Variants in NUP210 observed in about 807,000 individuals in gnomAD.
The protein encoded by NUP210 is nucleoporin 210, also known as nuclear pore membrane glycoprotein 210.
NUP210 carries 151 observed loss-of-function variants against 196.0 expected under a neutral mutation model. The observed-to-expected ratio is 0.77, with a 90% CI of 0.67 to 0.88. The LOEUF is 0.88. Among genes scored for constraint, NUP210 ranks in the 40% least tolerant of loss-of-function variants. The pLI is 0.00. For missense variants in NUP210, 2,314 were observed against 2,493.7 expected, an observed-to-expected ratio of 0.93 and a Z score of 1.53; for synonymous variants, 1,070 against 1,052.7, an observed-to-expected ratio of 1.02 and a Z score of -0.32.
intron 6 of NUP210, among the ~76,000 whole-genome samples, chr3:13,385,986 A>T (rs191862033): frequency 6.6e-6 from 1 of 152,374 alleles, no homozygotes; most frequent in East Asian, 1.9e-4. Context: ...TACATGAGGT[A>T]ACCAGAGTAG....
In NUP210 at chr3:13,373,623, G is replaced by A. The variant is rs1698801840; in HGVS notation, c.1587+95C>T. ...TCCTAAGTACAGGACCCAAGGTTGG[G>A]GGTGTTTCTGAGTGAAGTCGAGGCT... On this transcript the variant is annotated intron_variant, in intron 12 of 39. Coordinates refer to ENST00000254508, the MANE Select transcript of NUP210 (RefSeq NM_024923.4). 2.3e-6 allele frequency: 3 copies of A among 1,295,762 alleles called. No individual in the cohort carries two copies. In the East Asian group the frequency reaches 7.0e-5, roughly 30 times the overall value. 80.3% of individuals were successfully genotyped at this position (1,295,762 alleles called of 1,614,324 possible).
At chr3:13,349,815 G>C (rs1697904576) in intron 20 of NUP210, among the ~76,000 whole-genome samples, 1 of 152,248 alleles carries the variant, frequency 6.6e-6, no homozygotes, top group Admixed American at 6.5e-5. Flanking sequence ...AGGTGACGGA[G>C]AGCCTGGGAG....
In NUP210 at chr3:13,323,477, C is replaced by G; in HGVS notation, c.4645-45G>C. On this transcript the variant is annotated intron_variant, in intron 33 of 39. Coordinates refer to ENST00000254508, the MANE Select transcript of NUP210 (RefSeq NM_024923.4). The surrounding 1 kb of genome is among the most constrained non-coding windows in gnomAD (Gnocchi z 4.3). ...AGCTTCATGGAGCGCCGCCTGTGTCCCGGTCCATGCTGGGCGTTTCCACAA... is the reference window on the plus strand; with the variant it reads ...AGCTTCATGGAGCGCCGCCTGTGTCGCGGTCCATGCTGGGCGTTTCCACAA... 1 of 1,608,290 alleles carries G rather than the reference C, an allele frequency of 6.2e-7. No homozygotes were observed. Among genetic ancestry groups the G allele is most frequent in the Non-Finnish European group, 8.5e-7 (1 of 1,177,024 alleles).
chr3:13,337,038 G>A (rs1263339690), intron 26 of NUP210, 120 bp from the exon 27 acceptor site: 4 of 1,261,366 alleles, frequency 3.2e-6, no homozygotes, highest in Non-Finnish European at 3.4e-6. Flanking sequence ...AACTAGAGAA[G>A]AGCATGGCAC....
intron 16 of NUP210, 92 bp from the exon 17 acceptor site, chr3:13,354,199 T>A: frequency 9.0e-7 from 1 of 1,104,984 alleles, no homozygotes; most frequent in Non-Finnish European, 1.3e-6. Flanking sequence ...GCAGCTGCCC[T>A]GTGGGCTCTT....
At chr3:13,344,741 ACTACACTTACG>A (rs1178664603) in intron 20 of NUP210, 7 of 161,960 alleles carry the variant, frequency 4.3e-5, no homozygotes, top group Non-Finnish European at 9.0e-5. Flanking sequence ...ACCCTCCCCC[ACTACACTTACG>A]CTCCAGCCAC....
chr3:13,417,338 T>C (rs1028261041), intron 1 of NUP210, among the ~76,000 whole-genome samples: 1 of 152,090 alleles, frequency 6.6e-6, no homozygotes, highest in African/African-American at 2.4e-5. Context: ...ATAAAAAAAA[T>C]AGGAAAAGTA....
chr3:13,417,062 C>T (rs1700371958), intron 1 of NUP210, among the ~76,000 whole-genome samples: 1 of 152,160 alleles, frequency 6.6e-6, no homozygotes, highest in Non-Finnish European at 1.5e-5. Context: ...GAACTTGTCA[C>T]AAAACCAGTG....
chr3:13,359,508 C>T lies in NUP210; in HGVS notation c.2154+762G>A, dbSNP rs141873060. On this transcript the variant is annotated intron_variant, in intron 15 of 39. Coordinates refer to ENST00000254508, the MANE Select transcript of NUP210 (RefSeq NM_024923.4). ...GGGCACCGTGGGAGGCATGCATGTGCGTTTTATTGCCAACTGACATTCTTT... is the reference window on the plus strand; with the variant it reads ...GGGCACCGTGGGAGGCATGCATGTGTGTTTTATTGCCAACTGACATTCTTT... 8.0e-4 allele frequency among the ~76,000 whole-genome samples: 122 copies of T among 152,300 alleles called. 1 individual carries two copies. The highest frequency in any genetic ancestry group is 1.4e-3 in the Non-Finnish European group (92 of 68,034).
chr3:13,405,219 C>A (rs1427356095), intron 1 of NUP210, among the ~76,000 whole-genome samples: 1 of 152,154 alleles, frequency 6.6e-6, no homozygotes, highest in African/African-American at 2.4e-5. Context: ...GTGGGTGGGC[C>A]TCATCCAATC....
chr3:13,353,855 C>T, intron 17 of NUP210, 60 bp downstream of exon 17: 2 of 1,517,416 alleles, frequency 1.3e-6, no homozygotes, highest in South Asian at 1.2e-5. Flanking sequence ...CCCACCTTGG[C>T]AGGCTTCCTG....
intron 34 of NUP210, 130 bp from the exon 35 acceptor site, chr3:13,322,469 G>C: frequency 3.0e-6 from 3 of 1,004,136 alleles, no homozygotes; most frequent in Non-Finnish European, 4.4e-6. Context: ...CAGGGCCCCA[G>C]GGCGGCTCAA....
At chr3:13,365,824 C>G in intron 14 of NUP210, 122 bp downstream of exon 14, 1 of 1,071,698 alleles carries the variant, frequency 9.3e-7, no homozygotes, top group South Asian at 1.4e-5. Context: ...GGAGAGGAAG[C>G]TGTGCCAAAA....
At chr3:13,419,424 C>G (rs1700457593) in intron 1 of NUP210, among the ~76,000 whole-genome samples, 1 of 152,198 alleles carries the variant, frequency 6.6e-6, no homozygotes, top group South Asian at 2.1e-4. Flanking sequence ...TTGGAGAACT[C>G]CCAACCCGAG....
chr3:13,322,205 C>T lies in NUP210; in HGVS notation c.4903G>A (p.Asp1635Asn). The T allele has an allele frequency of 6.2e-7, 1 of 1,614,238 alleles. No individual in the cohort carries two copies. The highest frequency in any genetic ancestry group is 8.5e-7 in the Non-Finnish European group (1 of 1,180,042). The change falls in exon 35 of 40, where the codon GAC (aspartate) becomes AAC (asparagine). Residue 1635 changes from aspartate (D) to asparagine (N), a missense_variant. Physicochemically the swap from Asp to Asn is conservative, Grantham distance 23. Transcript: ENST00000254508. ...TCCTCGCAATTACCGAGAGCAGTGT[C>T]AAACTGTGGCTCCACGGTGAACACA... ...QDVFTVEPQF[D>N]TALGQYFCSI...
At chr3:13,366,177 G>A (rs1698529411) in intron 13 of NUP210, 86 bp from the exon 14 acceptor site, 1 of 1,325,582 alleles carries the variant, frequency 7.5e-7, no homozygotes, top group East Asian at 2.5e-5. Flanking sequence ...TGCCCAGGCT[G>A]GAGTACAGTG....
rs200087859 is a variant in NUP210, at chr3:13,353,623, G to T, written c.2559C>A (p.Thr853=). Residue 853 remains threonine, a synonymous_variant, in exon 18 of 40, where the codon ACC becomes ACA. Transcript: ENST00000254508. The part of the protein sequence containing the change: ...QAILVHEASG[T]TAITATATGY... ...CAGTGGCAGTGGCAGTGATGGCTGT[G>T]GTTCCTGATGCCTCGTGAACCAAAA... 44 of 1,614,128 alleles carry T rather than the reference G, an allele frequency of 2.7e-5. No homozygotes were observed. The East Asian group carries it at 8.9e-4, about 33-fold the overall frequency.
chr3:13,326,539 T>TA (rs35191592), intron 32 of NUP210, among the ~76,000 whole-genome samples: 61,519 of 151,076 alleles, frequency 0.41, 13,835 homozygotes, highest in East Asian at 0.66. Context: ...TTAGTAAGGT[T>TA]AAAAAAAAAG....
At chr3:13,417,846 C>T (rs1250841485) in intron 1 of NUP210, among the ~76,000 whole-genome samples, 1 of 152,130 alleles carries the variant, frequency 6.6e-6, no homozygotes, top group Non-Finnish European at 1.5e-5. Context: ...TGTTTTTTCC[C>T]TTTTTCCTAC....
Sources: gnomAD v4.1 joint callset for allele counts (sites outside exome capture counted in the v4.1 genomes callset) on GRCh38, gnomAD v4.1.1 for gene constraint, Gnocchi (gnomAD v3.1) non-coding constraint, MANE v1.5 for transcripts, NCBI Gene and HGNC (gene_info 2026-07-23, HGNC 2026-07-21) for gene names.